PPM1D: variants seen among roughly 807,000 people sequenced by gnomAD.
The protein encoded by PPM1D is protein phosphatase, Mg2+/Mn2+ dependent 1D, also known as protein phosphatase 1D.
PPM1D carries 52 observed loss-of-function variants against 58.3 expected under a neutral mutation model. That is an observed-to-expected ratio of 0.89 (90% CI 0.71 to 1.12). The LOEUF (loss-of-function observed/expected upper bound fraction) is 1.12. Ranked by LOEUF, PPM1D falls within the 50% of genes most tolerant of loss-of-function variation. The pLI is 0.00. For synonymous variants in PPM1D, 278 were observed against 285.1 expected (o/e 0.98, Z 0.25); for missense variants, 564 against 777.2 (o/e 0.73, Z 3.26).
intron 1 of PPM1D, 150 bp from the exon 2 acceptor site, chr17:60,623,371 C>A: frequency 5.9e-6 from 4 of 677,398 alleles, no homozygotes; most frequent in Admixed American, 2.9e-5. Flanking sequence ...AACCTAAGTC[C>A]TTTAGTAGTT....
In PPM1D at chr17:60,666,063, A is replaced by G. The variant is rs1439234893; in HGVS notation, c.*2511A>G. The stretch of plus-strand genomic sequence containing the variant: ...TAGGAGGTGGGCATTTTTAAGTGTC[A>G]TCTGGAAGGAGGCTGTCACAACCTG... On this transcript the variant is annotated 3_prime_UTR_variant, in exon 6 of 6. Transcript: ENST00000305921. The G allele has an allele frequency of 1.3e-5, 2 of 152,216 alleles. No individual in the cohort carries two copies. The highest frequency in any genetic ancestry group is 2.9e-5 in the Non-Finnish European group (2 of 68,042). 9.4% of individuals were successfully genotyped at this position (152,216 alleles called of 1,614,324 possible).
intron 1 of PPM1D, among the ~76,000 whole-genome samples, chr17:60,611,156 G>A (rs1289242923): frequency 6.6e-6 from 1 of 151,918 alleles, no homozygotes; most frequent in African/African-American, 2.4e-5. Context: ...AAAGTAGCTG[G>A]GATTACAAGC....
chr17:60,615,507 T>C (rs1048206364), intron 1 of PPM1D, among the ~76,000 whole-genome samples: 1 of 151,718 alleles, frequency 6.6e-6, no homozygotes, highest in Non-Finnish European at 1.5e-5. Context: ...AAAATTAAAA[T>C]ATAAAGTAGG....
chr17:60,628,887 A>T (rs2030865446), intron 2 of PPM1D, among the ~76,000 whole-genome samples: 2 of 152,144 alleles, frequency 1.3e-5, no homozygotes, highest in South Asian at 4.1e-4. Flanking sequence ...GTATGGTTTC[A>T]TCATCTTTTA....
At chr17:60,622,139 G>T in intron 1 of PPM1D, among the ~76,000 whole-genome samples, 1 of 150,376 alleles carries the variant, frequency 6.6e-6, no homozygotes, top group South Asian at 2.1e-4. Flanking sequence ...GCAGTGAGCC[G>T]AGATCATGCC....
intron 2 of PPM1D, among the ~76,000 whole-genome samples, chr17:60,627,571 G>A (rs537714005): frequency 3.2e-4 from 48 of 151,936 alleles, no homozygotes; most frequent in African/African-American, 3.6e-4. Flanking sequence ...ACAGGTGCCC[G>A]CCACCATGCC....
At chr17:60,636,584 A>G (rs980114210) in intron 3 of PPM1D, among the ~76,000 whole-genome samples, 1 of 152,162 alleles carries the variant, frequency 6.6e-6, no homozygotes, top group African/African-American at 2.4e-5. Flanking sequence ...CGCTAAGATG[A>G]TATGTCAGTA....
chr17:60,634,342 G>A (rs1176530977), intron 3 of PPM1D, among the ~76,000 whole-genome samples: 1 of 152,106 alleles, frequency 6.6e-6, no homozygotes, highest in Non-Finnish European at 1.5e-5. Context: ...AAAGCAGGAG[G>A]CAGAGGTTGC....
chr17:60,619,835 A>G (rs748451472), intron 1 of PPM1D, among the ~76,000 whole-genome samples: 11 of 152,038 alleles, frequency 7.2e-5, no homozygotes, highest in Non-Finnish European at 1.5e-4. Flanking sequence ...CCTGGCCTCA[A>G]GCGATCTTCC....
intron 3 of PPM1D, among the ~76,000 whole-genome samples, chr17:60,646,816 A>C (rs965993137): frequency 6.6e-6 from 1 of 152,186 alleles, no homozygotes; most frequent in African/African-American, 2.4e-5. Flanking sequence ...GAGAAGGATA[A>C]ATGTAAGAGC....
At chr17:60,662,881 A>G in intron 5 of PPM1D, 114 bp from the exon 6 acceptor site, 3 of 945,040 alleles carry the variant, frequency 3.2e-6, no homozygotes, top group Non-Finnish European at 4.8e-6. Flanking sequence ...TAGTGAATGC[A>G]TACCCCGTTT....
intron 4 of PPM1D, among the ~76,000 whole-genome samples, chr17:60,652,060 C>A (rs963572754): frequency 3.9e-5 from 6 of 152,156 alleles, no homozygotes; most frequent in African/African-American, 1.4e-4. Flanking sequence ...ATACATATGA[C>A]ATTTACTATT....
chr17:60,662,025 C>A (rs919228605), intron 5 of PPM1D, among the ~76,000 whole-genome samples: 1 of 152,000 alleles, frequency 6.6e-6, no homozygotes, highest in African/African-American at 2.4e-5. Flanking sequence ...GAGACGGAGT[C>A]TCACTCCGTC....
rs186060139 is a variant in PPM1D at position 60,628,597 on chromosome 17, C to T, written c.701+4848C>T. Among the ~76,000 whole-genome samples, 221 of 152,300 alleles carry T rather than the reference C, an allele frequency of 1.5e-3. 2 individuals carry two copies. The highest frequency in any genetic ancestry group is 4.1e-3 in the Admixed American group (63 of 15,298). Reference sequence around the variant, plus strand: ...TTTCCAGAATGTCATATAGTTGGAACCATATAGTATGTAGCCCCTATGCAT... The same window carrying T: ...TTTCCAGAATGTCATATAGTTGGAATCATATAGTATGTAGCCCCTATGCAT... On this transcript the variant is annotated intron_variant, in intron 2 of 5. Transcript: ENST00000305921.
intron 3 of PPM1D, among the ~76,000 whole-genome samples, chr17:60,638,199 G>A (rs2031062248): frequency 6.6e-6 from 1 of 152,108 alleles, no homozygotes; most frequent in Non-Finnish European, 1.5e-5. Flanking sequence ...TTTGATAAAA[G>A]GGCTTATAAG....
At chr17:60,632,394 T>A (rs1029584030) in intron 2 of PPM1D, among the ~76,000 whole-genome samples, 5 of 152,008 alleles carry the variant, frequency 3.3e-5, no homozygotes, top group Admixed American at 2.0e-4. Context: ...ATTGCTGAAA[T>A]CATATTAAAA....
chr17:60,638,111 A>G (rs75861797), intron 3 of PPM1D, among the ~76,000 whole-genome samples: 8 of 152,320 alleles, frequency 5.3e-5, no homozygotes, highest in Non-Finnish European at 8.8e-5. Flanking sequence ...TGATACAGCG[A>G]GTTTTTAGAC....
intron 1 of PPM1D, among the ~76,000 whole-genome samples, chr17:60,615,160 G>A (rs1306727215): frequency 1.3e-5 from 2 of 152,214 alleles, no homozygotes; most frequent in South Asian, 2.1e-4. Flanking sequence ...ACTTTGGGAG[G>A]CTGAGGTGGG....
intron 2 of PPM1D, among the ~76,000 whole-genome samples, chr17:60,630,593 T>A (rs552813887): frequency 4.6e-5 from 7 of 152,220 alleles, no homozygotes; most frequent in Non-Finnish European, 7.3e-5. Flanking sequence ...TTTAATCATA[T>A]AGGACAACAA....
Sources: gnomAD v4.1 joint callset for allele counts (sites outside exome capture counted in the v4.1 genomes callset) on GRCh38, gnomAD v4.1.1 for gene constraint, MANE v1.5 for transcripts, NCBI Gene and HGNC (gene_info 2026-07-23, HGNC 2026-07-21) for gene names.